Variants in TMEM132D observed in about 807,000 individuals in gnomAD.
The protein encoded by TMEM132D is mature OL transmembrane protein.
TMEM132D carries 21 observed loss-of-function variants against 62.3 expected under a neutral mutation model. The ratio of observed to expected loss-of-function variants is 0.34; its 90% CI spans 0.24 to 0.49. The LOEUF is 0.49. Among genes scored for constraint, TMEM132D ranks in the 20% least tolerant of loss-of-function variants. The probability of loss-of-function intolerance (pLI) is 0.99; values close to 1 mark genes in which losing one functional copy is unlikely to be tolerated. For missense variants in TMEM132D, 1,346 were observed against 1,402.8 expected, an observed-to-expected ratio of 0.96 and a Z score of 0.65; for synonymous variants, 621 against 575.6, an observed-to-expected ratio of 1.08 and a Z score of -1.13.
At chr12:129,259,771 T>A in intron 4 of TMEM132D, among the ~76,000 whole-genome samples, 1 of 152,162 alleles carries the variant, frequency 6.6e-6, no homozygotes, top group East Asian at 1.9e-4. Context: ...CTAATGTGAC[T>A]TGAAAAGTCA....
At chr12:129,309,812 C>T (rs1037636895) in intron 4 of TMEM132D, among the ~76,000 whole-genome samples, 11 of 151,590 alleles carry the variant, frequency 7.3e-5, no homozygotes, top group African/African-American at 2.4e-4. Context: ...GCCGGAAAAT[C>T]GAGGAATCCT....
chr12:129,498,120 C>G (rs1442118530), intron 3 of TMEM132D, among the ~76,000 whole-genome samples: 1 of 152,132 alleles, frequency 6.6e-6, no homozygotes, highest in Non-Finnish European at 1.5e-5. Flanking sequence ...AGAGAGTAAA[C>G]AGTACATAGG....
chr12:129,662,748 GTGCCACTGCACTCCAGCC>G (rs764124119), intron 2 of TMEM132D, among the ~76,000 whole-genome samples: 3 of 133,582 alleles, frequency 2.2e-5, no homozygotes, highest in Admixed American at 1.8e-4. Context: ...AGCTAAGATT[GTGCCACTGCACTCCAGCC>G]TGGCGACAGA....
Position 129,865,935 on chromosome 12 carries a change from G to T in TMEM132D, c.79+37326C>A, listed in dbSNP as rs1039513018. ...CATCGTGGTGTGACTCTCTTGCAGT[G>T]CTATAGGTCTGGGGTTGTCTGGCTG... is the stretch of plus-strand genomic sequence containing the variant. On this transcript the variant is annotated intron_variant, in intron 1 of 8. Transcript: ENST00000422113. 4.6e-5 allele frequency among the ~76,000 whole-genome samples: 7 copies of T among 152,162 alleles called. No individual in the cohort carries two copies. The East Asian group carries it at 1.4e-3, about 29-fold the overall frequency.
rs1354019072 is a variant in TMEM132D at position 129,432,150 on chromosome 12, G to C, written c.1116-94333C>G. ...GGATGGATGGATGGATGGATGGATGGATGGATGCTTGGATGGATGGATGGA... is the reference window on the plus strand; with the variant it reads ...GGATGGATGGATGGATGGATGGATGCATGGATGCTTGGATGGATGGATGGA... On this transcript the variant is annotated intron_variant, in intron 3 of 8. Coordinates refer to ENST00000422113, the MANE Select transcript of TMEM132D (RefSeq NM_133448.3). Among the ~76,000 whole-genome samples the C allele has an allele frequency of 5.5e-5, 8 of 146,258 alleles. No homozygotes were observed. In the East Asian group the frequency reaches 6.2e-4, roughly 11 times the overall value.
At chr12:129,356,697 T>C (rs1369047196) in intron 3 of TMEM132D, among the ~76,000 whole-genome samples, 1 of 141,014 alleles carries the variant, frequency 7.1e-6, no homozygotes, top group Non-Finnish European at 1.6e-5. Context: ...AATAAATAAA[T>C]AAAATAAAAA....
intron 5 of TMEM132D, among the ~76,000 whole-genome samples, chr12:129,185,563 A>G (rs1878196086): frequency 6.6e-6 from 1 of 151,542 alleles, no homozygotes; most frequent in South Asian, 2.1e-4. Flanking sequence ...TAATTTTATT[A>G]TTTTTATTAT....
At chr12:129,267,144 C>T (rs576576046) in intron 4 of TMEM132D, among the ~76,000 whole-genome samples, 2 of 152,230 alleles carry the variant, frequency 1.3e-5, no homozygotes, top group East Asian at 3.9e-4. Context: ...ATTCTTTGAA[C>T]AGGCTCATCT....
At chr12:129,620,788 A>G (rs1162599351) in intron 2 of TMEM132D, among the ~76,000 whole-genome samples, 1 of 151,966 alleles carries the variant, frequency 6.6e-6, no homozygotes, top group South Asian at 2.1e-4. Flanking sequence ...AGATGGACAC[A>G]TGGGGGAGAA....
In TMEM132D at chr12:129,506,078, G is replaced by T. The variant is rs562015537; in HGVS notation, c.1115+24981C>A. ...CTATTCATCATGCTATTTGTTGCCT[G>T]AATACCTTGTTTTTTTATTGTAATT... On this transcript the variant is annotated intron_variant, in intron 3 of 8. Coordinates refer to ENST00000422113, the MANE Select transcript of TMEM132D (RefSeq NM_133448.3). Among the ~76,000 whole-genome samples the T allele has an allele frequency of 1.5e-4, 23 of 152,264 alleles. No individual in the cohort carries two copies. In the South Asian group the frequency reaches 4.6e-3, roughly 30 times the overall value.
chr12:129,295,019 T>C (rs1881533657), intron 4 of TMEM132D, among the ~76,000 whole-genome samples: 1 of 152,190 alleles, frequency 6.6e-6, no homozygotes, highest in Non-Finnish European at 1.5e-5. Context: ...TGAGATGAAC[T>C]TTGAGTAAAG....
At chr12:129,892,945 C>T (rs1874977909) in intron 1 of TMEM132D, among the ~76,000 whole-genome samples, 1 of 152,116 alleles carries the variant, frequency 6.6e-6, no homozygotes. Context: ...GGCATGATCT[C>T]AGCTCACTAC....
chr12:129,428,642 T>C (rs1180012290), intron 3 of TMEM132D, among the ~76,000 whole-genome samples: 2 of 152,204 alleles, frequency 1.3e-5, no homozygotes, highest in African/African-American at 4.8e-5. Context: ...AGCTCTCAAT[T>C]TTACATATTC....
chr12:129,684,072 T>C (rs1880848642), intron 2 of TMEM132D, among the ~76,000 whole-genome samples: 1 of 152,174 alleles, frequency 6.6e-6, no homozygotes, highest in Admixed American at 6.5e-5. Flanking sequence ...ATGAAGAACT[T>C]TAGTTGCAAA....
intron 3 of TMEM132D, among the ~76,000 whole-genome samples, chr12:129,410,173 G>T (rs1232869295): frequency 6.6e-6 from 1 of 152,084 alleles, no homozygotes; most frequent in Non-Finnish European, 1.5e-5. Flanking sequence ...AGCCACCGAG[G>T]ATCTGAGCTT....
At chr12:129,117,461 G>T (rs908916738) in intron 5 of TMEM132D, among the ~76,000 whole-genome samples, 1 of 152,156 alleles carries the variant, frequency 6.6e-6, no homozygotes, top group African/African-American at 2.4e-5. Context: ...TGCCCCAAAA[G>T]CTGACATTTA....
chr12:129,776,856 T>C (rs1400758502), intron 1 of TMEM132D, among the ~76,000 whole-genome samples: 1 of 151,940 alleles, frequency 6.6e-6, no homozygotes, highest in African/African-American at 2.4e-5. Flanking sequence ...AGACATCTTT[T>C]ATCACAAAAT....
At chr12:129,880,105 G>T (rs1473071831) in intron 1 of TMEM132D, among the ~76,000 whole-genome samples, 4 of 151,928 alleles carry the variant, frequency 2.6e-5, no homozygotes, top group South Asian at 4.2e-4. Flanking sequence ...AAGAGAAAAT[G>T]TTGAGGGCAG....
chr12:129,630,232 G>T (rs951623548), intron 2 of TMEM132D, among the ~76,000 whole-genome samples: 2 of 152,294 alleles, frequency 1.3e-5, no homozygotes, highest in African/African-American at 2.4e-5. Context: ...TATATGTCAC[G>T]TGTGTGTTTG....
Sources: allele counts gnomAD v4.1 joint callset (sites outside exome capture counted in the v4.1 genomes callset), GRCh38; gene constraint gnomAD v4.1.1; transcripts MANE v1.5; gene names NCBI Gene and HGNC (gene_info 2026-07-23, HGNC 2026-07-21).